The following CFAP299 variants were observed in gnomAD, a reference collection of about 807,000 sequenced individuals.
CFAP299 encodes cilia and flagella associated protein 299.
Under a neutral mutation model 27.0 loss-of-function variants are expected in CFAP299, and 21 were observed. That is an observed-to-expected ratio of 0.78 (90% confidence interval 0.55 to 1.12). CFAP299 has a LOEUF of 1.12. Among genes scored for constraint, CFAP299 ranks in the 50% most tolerant of loss-of-function variants. The pLI, the probability that CFAP299 is intolerant of heterozygous loss-of-function variation, is 0.00. For synonymous variants in CFAP299, 104 were observed against 98.1 expected, an observed-to-expected ratio of 1.06 and a Z score of -0.36; for missense variants, 310 against 276.6, an observed-to-expected ratio of 1.12 and a Z score of -0.86.
intron 2 of CFAP299, among the ~76,000 whole-genome samples, chr4:80,399,109 A>G (rs1359746171): frequency 1.3e-5 from 2 of 152,254 alleles, no homozygotes; most frequent in African/African-American, 2.4e-5. Flanking sequence ...ATCACTGGCC[A>G]TCAGAGAAAT....
chr4:80,431,630 C>G (rs1010565888), intron 2 of CFAP299, among the ~76,000 whole-genome samples: 1 of 151,926 alleles, frequency 6.6e-6, no homozygotes, highest in Non-Finnish European at 1.5e-5. Context: ...ATATCTAGCC[C>G]TCTGTTTGGA....
In CFAP299 at chr4:80,800,471, TAA is replaced by T. The variant is rs1560419042; in HGVS notation, c.334-69521_334-69520del. On this transcript the variant is annotated intron_variant, in intron 3 of 5. Coordinates refer to ENST00000358105, the MANE Select transcript of CFAP299 (RefSeq NM_152770.3). Reference sequence around the variant, plus strand: ...ATATATTAATATAATATATAATATATAATATATTATATAATATATAATATATA... The same window carrying T: ...ATATATTAATATAATATATAATATATTATATTATATAATATATAATATATA... Among the ~76,000 whole-genome samples the T allele has an allele frequency of 2.2e-3, 17 of 7,886 alleles. 1 individual carries two copies. The East Asian group carries it at 0.045, about 21-fold the overall frequency. 5.2% of individuals were successfully genotyped at this position (7,886 alleles called of 152,430 possible).
intron 3 of CFAP299, among the ~76,000 whole-genome samples, chr4:80,608,870 T>C (rs1233360809): frequency 6.8e-6 from 1 of 147,612 alleles, no homozygotes; most frequent in Admixed American, 6.8e-5. Flanking sequence ...CATGTGTGTG[T>C]GTGTGTGTGT....
intron 3 of CFAP299, among the ~76,000 whole-genome samples, chr4:80,630,758 C>G (rs1054032252): frequency 6.6e-6 from 1 of 151,906 alleles, no homozygotes; most frequent in African/African-American, 2.4e-5. Flanking sequence ...AATATAAGTA[C>G]TTAAATGAAA....
In CFAP299 at chr4:80,359,093, A is replaced by C. The variant is rs994013079; in HGVS notation, c.112-3661A>C. On this transcript the variant is annotated intron_variant, in intron 1 of 5. Transcript: ENST00000358105. ...TTGTTTATGAAGCTTGGTTTGGCCAAATATGAAATTCTGGTTTGGATTTTC... is the reference window on the plus strand; with the variant it reads ...TTGTTTATGAAGCTTGGTTTGGCCACATATGAAATTCTGGTTTGGATTTTC... Among the ~76,000 whole-genome samples, 3 of 152,086 alleles carry C rather than the reference A, an allele frequency of 2.0e-5. No individual in the cohort carries two copies. The South Asian group carries it at 6.2e-4, about 32-fold the overall frequency.
chr4:80,475,064 G>A (rs910065634), intron 2 of CFAP299, among the ~76,000 whole-genome samples: 2 of 152,126 alleles, frequency 1.3e-5, no homozygotes, highest in Admixed American at 6.5e-5. Flanking sequence ...AGGAAATAAT[G>A]ACTTTGAAGG....
At chr4:80,735,197 A>T (rs183692312) in intron 3 of CFAP299, among the ~76,000 whole-genome samples, 3 of 152,128 alleles carry the variant, frequency 2.0e-5, no homozygotes, top group African/African-American at 7.2e-5. Context: ...ATTTAATTTT[A>T]TTTGTGGCTA....
intron 2 of CFAP299, among the ~76,000 whole-genome samples, chr4:80,553,360 T>A (rs1428329172): frequency 6.6e-6 from 1 of 152,220 alleles, no homozygotes; most frequent in Non-Finnish European, 1.5e-5. Flanking sequence ...TTCCTGGGTG[T>A]ATAGGTACCA....
intron 3 of CFAP299, among the ~76,000 whole-genome samples, chr4:80,765,941 T>G (rs1378036435): frequency 8.6e-5 from 13 of 151,942 alleles, no homozygotes; most frequent in Admixed American, 8.5e-4. Flanking sequence ...AAAACCAAAA[T>G]GTACAACACA....
intron 3 of CFAP299, among the ~76,000 whole-genome samples, chr4:80,846,211 A>G (rs1731174696): frequency 6.6e-6 from 1 of 152,190 alleles, no homozygotes; most frequent in African/African-American, 2.4e-5. Context: ...GGGACACTGT[A>G]TAGGGATGGA....
Position 80,781,555 on chromosome 4 carries a change from A to G in CFAP299, c.334-88438A>G, listed in dbSNP as rs192377945. Among the ~76,000 whole-genome samples, 28 of 152,168 alleles carry G rather than the reference A, an allele frequency of 1.8e-4. No homozygotes were observed. In the East Asian group the frequency reaches 5.4e-3, roughly 29 times the overall value. On this transcript the variant is annotated intron_variant, in intron 3 of 5. Coordinates refer to ENST00000358105, the MANE Select transcript of CFAP299 (RefSeq NM_152770.3). ...TTTCTAGTCTAGGAATTAGACCAAG[A>G]CTATTGGGAAGGGCTGGGTGGTAAA... is the stretch of plus-strand genomic sequence containing the variant.
chr4:80,432,545 T>TG (rs201792089), intron 2 of CFAP299, among the ~76,000 whole-genome samples: 1,708 of 149,616 alleles, frequency 0.011, 17 homozygotes, highest in Non-Finnish European at 0.017. Flanking sequence ...TTTTTTTTTT[T>TG]TTTTTGAGAC....
intron 2 of CFAP299, among the ~76,000 whole-genome samples, chr4:80,507,457 C>T (rs1732090504): frequency 6.6e-6 from 1 of 152,138 alleles, no homozygotes; most frequent in Non-Finnish European, 1.5e-5. Context: ...GGCAACTTTT[C>T]AAAGTGATAC....
chr4:80,497,428 G>A (rs1324846244), intron 2 of CFAP299, among the ~76,000 whole-genome samples: 1 of 152,000 alleles, frequency 6.6e-6, no homozygotes, highest in Non-Finnish European at 1.5e-5. Context: ...TTTAAAGTAG[G>A]TTACAAAATA....
chr4:80,588,065 A>G (rs546598842), intron 3 of CFAP299, among the ~76,000 whole-genome samples: 7 of 151,388 alleles, frequency 4.6e-5, no homozygotes, highest in Admixed American at 3.3e-4. Flanking sequence ...GTTGAAATCT[A>G]GTCTTAGTCT....
chr4:80,439,766 C>T (rs532517637), intron 2 of CFAP299, among the ~76,000 whole-genome samples: 1 of 152,298 alleles, frequency 6.6e-6, no homozygotes, highest in Non-Finnish European at 1.5e-5. Context: ...CCCACTTCCA[C>T]AGAGCCCAGC....
chr4:80,540,373 A>G lies in CFAP299; in HGVS notation c.243-42720A>G, dbSNP rs527712893. The stretch of plus-strand genomic sequence containing the variant: ...AGTTTGAGAAATCAGTAGCTATTCT[A>G]TTGTTTGATGAAGTAAAGAAATTGT... On this transcript the variant is annotated intron_variant, in intron 2 of 5. Transcript: ENST00000358105. Among the ~76,000 whole-genome samples the G allele has an allele frequency of 1.4e-3, 206 of 152,322 alleles. 1 individual carries two copies. Among genetic ancestry groups the G allele is most frequent in the Non-Finnish European group, 2.3e-3 (157 of 68,026 alleles).
intron 3 of CFAP299, among the ~76,000 whole-genome samples, chr4:80,765,547 A>T (rs1376385865): frequency 6.6e-6 from 1 of 152,150 alleles, no homozygotes; most frequent in Non-Finnish European, 1.5e-5. Context: ...AGTATTTTTA[A>T]ATGAATAGGT....
At chr4:80,427,557 A>AT (rs1255565803) in intron 2 of CFAP299, among the ~76,000 whole-genome samples, 1 of 152,118 alleles carries the variant, frequency 6.6e-6, no homozygotes, top group Non-Finnish European at 1.5e-5. Context: ...TGTGTGTGGC[A>AT]TTTTGTGTGT....
Sources: gnomAD v4.1 joint callset for allele counts (sites outside exome capture counted in the v4.1 genomes callset) on GRCh38, gnomAD v4.1.1 for gene constraint, MANE v1.5 for transcripts, NCBI Gene and HGNC (gene_info 2026-07-23, HGNC 2026-07-21) for gene names.